The following GRTP1 variants were observed in gnomAD, a reference collection of about 807,000 sequenced individuals.
GRTP1 encodes growth hormone regulated TBC protein 1.
GRTP1 carries 56 observed loss-of-function variants against 38.1 expected under a neutral mutation model. That is an observed-to-expected ratio of 1.47 (90% CI 1.19 to 1.84). The LOEUF is 1.84. Ranked by LOEUF, GRTP1 falls within the 40% of genes most tolerant of loss-of-function variation. GRTP1 has a pLI of 0.00. For synonymous variants in GRTP1, 217 were observed against 189.5 expected, an observed-to-expected ratio of 1.14 and a Z score of -1.19; for missense variants, 506 against 453.9, an observed-to-expected ratio of 1.11 and a Z score of -1.04.
At chr13:113,336,051 CA>C (rs2042950099) in intron 5 of GRTP1, among the ~76,000 whole-genome samples, 1 of 151,978 alleles carries the variant, frequency 6.6e-6, no homozygotes, top group Admixed American at 6.6e-5. Flanking sequence ...CTCGGCCTCA[CA>C]AAGTGCTGGG....
At position 113,324,536 on chromosome 13, in the gene GRTP1, G is replaced by A. The variant is rs746137303; in HGVS notation, c.963C>T (p.Val321=). The A allele has an allele frequency of 7.8e-5, 125 of 1,611,908 alleles. No individual in the cohort carries two copies. The highest frequency in any genetic ancestry group is 6.2e-4 in the Admixed American group (37 of 59,796). The change falls in exon 8 of 8, where the codon GTC becomes GTT. Residue 321 remains valine (V), a synonymous_variant. Coordinates refer to ENST00000375431, the MANE Select transcript of GRTP1 (RefSeq NM_024719.4). ...CCCTGCAGCTCTCGCGGAGCTTGGC[G>A]ACGGTGGCCATGGATAAGCTTCCAG... is the stretch of plus-strand genomic sequence containing the variant. The part of the protein sequence containing the change: ...SEPGSLSMAT[V]AKLRESCRAR...
At chr13:113,351,233 T>C (rs547215209) in intron 3 of GRTP1, among the ~76,000 whole-genome samples, 3 of 152,274 alleles carry the variant, frequency 2.0e-5, no homozygotes, top group African/African-American at 7.2e-5. Flanking sequence ...ACCCCAGAGC[T>C]GGTGGCCAGG....
At position 113,354,793 on chromosome 13, in the gene GRTP1, C is replaced by G. The variant is rs561818300; in HGVS notation, c.340+530G>C. Among the ~76,000 whole-genome samples, 7 of 152,340 alleles carry G rather than the reference C, an allele frequency of 4.6e-5. No homozygotes were observed. In the East Asian group the frequency reaches 1.4e-3, roughly 29 times the overall value. On this transcript the variant is annotated intron_variant, in intron 3 of 7. Coordinates refer to ENST00000375431, the MANE Select transcript of GRTP1 (RefSeq NM_024719.4). ...CCGCCCTCCTCAGCCTCTCAAAGTG[C>G]TGGGATTACAGGCGTGAGCCACCGC...
At chr13:113,357,083 G>A (rs76411636) in intron 2 of GRTP1, among the ~76,000 whole-genome samples, 1,806 of 55,434 alleles carry the variant, frequency 0.033, 17 homozygotes, top group South Asian at 0.077. Flanking sequence ...AGGCCAAGGT[G>A]GGCAGATCAC....
chr13:113,362,684 T>C (rs1164271937), intron 2 of GRTP1, among the ~76,000 whole-genome samples: 2 of 152,152 alleles, frequency 1.3e-5, no homozygotes, highest in African/African-American at 4.8e-5. Context: ...CCTTTAACAG[T>C]TGGCTTCTCT....
At position 113,348,717 on chromosome 13, in the gene GRTP1, G is replaced by A. The variant is rs1187251609; in HGVS notation, c.465+2132C>T. Among the ~76,000 whole-genome samples, 5 of 152,234 alleles carry A rather than the reference G, an allele frequency of 3.3e-5. No individual in the cohort carries two copies. The highest frequency in any genetic ancestry group is 2.1e-4 in the South Asian group (1 of 4,824). ...AGAGATTGGAGTAGTGATGCCACCC[G>A]CCGAGGGGCACCCAGGACTGCCAGG... On this transcript the variant is annotated intron_variant, in intron 4 of 7. Coordinates refer to ENST00000375431, the MANE Select transcript of GRTP1 (RefSeq NM_024719.4). This position sits in a 1 kb window ranked among gnomAD's most constrained non-coding sequence, Gnocchi z 4.8.
chr13:113,358,356 TCA>T, intron 2 of GRTP1, among the ~76,000 whole-genome samples: 1 of 152,200 alleles, frequency 6.6e-6, no homozygotes, highest in Non-Finnish European at 1.5e-5. Flanking sequence ...TACACCATGT[TCA>T]CAGATTGCAA....
At chr13:113,341,557 G>A (rs1287766073) in intron 5 of GRTP1, among the ~76,000 whole-genome samples, 3 of 151,878 alleles carry the variant, frequency 2.0e-5, no homozygotes, top group South Asian at 2.1e-4. Flanking sequence ...GTGAGCCACC[G>A]TGCCCAGCTA....
intron 2 of GRTP1, chr13:113,361,416 T>C (rs1418725940): frequency 6.6e-6 from 1 of 152,132 alleles, no homozygotes; most frequent in African/African-American, 2.4e-5. Context: ...AAGGAAAATA[T>C]GGAACCCAAG....
At chr13:113,325,592 G>A in intron 7 of GRTP1, 69 bp downstream of exon 7, 4 of 1,611,068 alleles carry the variant, frequency 2.5e-6, no homozygotes, top group Non-Finnish European at 2.5e-6. Context: ...GGTGGTCAGA[G>A]CAGCCCCCGG....
rs2043224684 is a variant in GRTP1 at position 113,349,619 on chromosome 13, C to T, written c.465+1230G>A. Among the ~76,000 whole-genome samples, 1 of 152,240 alleles carries T rather than the reference C, an allele frequency of 6.6e-6. No individual in the cohort carries two copies. The highest frequency in any genetic ancestry group is 2.1e-4 in the South Asian group (1 of 4,838). On this transcript the variant is annotated intron_variant, in intron 4 of 7. Coordinates refer to ENST00000375431, the MANE Select transcript of GRTP1 (RefSeq NM_024719.4). The surrounding 1 kb of genome is among the most constrained non-coding windows in gnomAD (Gnocchi z 5.0). ...GCACTGCCAGCCAGCTACAGAGCCACACACGCACAGCACGTGGAACAGCTG... is the reference window on the plus strand; with the variant it reads ...GCACTGCCAGCCAGCTACAGAGCCATACACGCACAGCACGTGGAACAGCTG...
At position 113,342,525 on chromosome 13, in the gene GRTP1, T is replaced by C. The variant is rs1012862824; in HGVS notation, c.562+2338A>G. Among the ~76,000 whole-genome samples, 1 of 152,018 alleles carries C rather than the reference T, an allele frequency of 6.6e-6. No homozygotes were observed. The highest frequency in any genetic ancestry group is 1.5e-5 in the Non-Finnish European group (1 of 68,014). On this transcript the variant is annotated intron_variant, in intron 5 of 7. Coordinates refer to ENST00000375431, the MANE Select transcript of GRTP1 (RefSeq NM_024719.4). This position sits in a 1 kb window ranked among gnomAD's most constrained non-coding sequence, Gnocchi z 4.5. ...GTCTCAAAAAAAAAAAAGTACTGTA[T>C]TTTTTGAACTTCTGAAATGAGAATA... is the stretch of plus-strand genomic sequence containing the variant.
chr13:113,328,373 T>C (rs2042806965), intron 5 of GRTP1, among the ~76,000 whole-genome samples: 1 of 152,224 alleles, frequency 6.6e-6, no homozygotes, highest in Non-Finnish European at 1.5e-5. Context: ...CGTCTGCACA[T>C]GGCTGTGGCT....
chr13:113,331,583 G>A (rs947861595), intron 5 of GRTP1, among the ~76,000 whole-genome samples: 2 of 151,870 alleles, frequency 1.3e-5, no homozygotes, highest in Admixed American at 6.6e-5. Flanking sequence ...CAGGGCGTGA[G>A]CCTTCTCAGA....
intron 5 of GRTP1, among the ~76,000 whole-genome samples, chr13:113,335,281 G>A (rs1208925063): frequency 1.3e-5 from 2 of 151,954 alleles, no homozygotes; most frequent in African/African-American, 2.4e-5. Flanking sequence ...CTGGAGGCTG[G>A]CCGTGGTGGT....
chr13:113,362,936 G>A (rs1371436781), intron 2 of GRTP1, among the ~76,000 whole-genome samples: 1 of 152,200 alleles, frequency 6.6e-6, no homozygotes, highest in Non-Finnish European at 1.5e-5. Context: ...TTCATTCACT[G>A]AACACACAGG....
chr13:113,352,108 T>TTC (rs56403314), intron 3 of GRTP1: 2 of 150,688 alleles, frequency 1.3e-5, no homozygotes, highest in African/African-American at 2.4e-5. Context: ...TTTTTTTTTT[T>TTC]CTGGAATTCT....
chr13:113,344,477 G>T (rs1304527003), intron 5 of GRTP1, among the ~76,000 whole-genome samples: 6 of 152,292 alleles, frequency 3.9e-5, no homozygotes, highest in East Asian at 3.9e-4. Context: ...ACTTTGGGAG[G>T]CCAAGGCGGG....
chr13:113,346,263 T>TCTGAAGCCGAGAGCAGAC (rs1566429745), intron 4 of GRTP1, among the ~76,000 whole-genome samples: 2 of 6,432 alleles, frequency 3.1e-4, no homozygotes, highest in Non-Finnish European at 5.7e-4. Context: ...CGAGAGCAGA[T>TCTGAAGCCGAGAGCAGAC]CCGGGAGGAC....
Sources: allele counts gnomAD v4.1 joint callset (sites outside exome capture counted in the v4.1 genomes callset), GRCh38; gene constraint gnomAD v4.1.1; non-coding constraint Gnocchi (gnomAD v3.1); transcripts MANE v1.5; gene names NCBI Gene and HGNC (gene_info 2026-07-23, HGNC 2026-07-21).